The following ITGA6 variants were observed in gnomAD, a reference collection of about 807,000 sequenced individuals.
ITGA6 encodes integrin alpha-6.
ITGA6 carries 63 observed loss-of-function variants against 133.6 expected under a neutral mutation model. The ratio of observed to expected loss-of-function variants is 0.47; its 90% CI spans 0.38 to 0.58. The LOEUF (loss-of-function observed/expected upper bound fraction) is 0.58, where lower values mean the gene tolerates loss of function less well. Among genes scored for constraint, ITGA6 ranks in the 20% least tolerant of loss-of-function variants. The pLI is 0.00. For synonymous variants in ITGA6, 434 were observed against 482.0 expected (o/e 0.90, Z 1.30); for missense variants, 1,068 against 1,309.4 (o/e 0.82, Z 2.85).
At position 172,472,134 on chromosome 2, in the gene ITGA6, C is replaced by A. The variant is rs181509669; in HGVS notation, c.775+1029C>A. Among the ~76,000 whole-genome samples, 128 of 152,288 alleles carry A rather than the reference C, an allele frequency of 8.4e-4. 1 individual carries two copies. Among genetic ancestry groups the A allele is most frequent in the African/African-American group, 2.8e-3 (118 of 41,558 alleles). ...GCCAGGAGTTCAAGACCAGCCTGGC[C>A]AATGCAGCAAAACCCCTTCTCTACT... is the stretch of plus-strand genomic sequence containing the variant. On this transcript the variant is annotated intron_variant, in intron 5 of 25. Transcript: ENST00000684293.
chr2:172,480,583 A>T (rs1686397555), intron 11 of ITGA6, among the ~76,000 whole-genome samples: 1 of 152,020 alleles, frequency 6.6e-6, no homozygotes, highest in Non-Finnish European at 1.5e-5. Flanking sequence ...GAGGTCAGAG[A>T]CCTGGTCTCT....
In ITGA6 at chr2:172,475,651, G is replaced by T; in HGVS notation, c.1235G>T (p.Gly412Val). 1 of 1,607,572 alleles carries T rather than the reference G, an allele frequency of 6.2e-7. No homozygotes were observed. The highest frequency in any genetic ancestry group is 8.5e-7 in the Non-Finnish European group (1 of 1,174,096). The change falls in exon 8 of 26, where the codon GGA becomes GTA. Residue 412 changes from glycine (G) to valine (V), a missense_variant. Coordinates refer to ENST00000684293, the MANE Select transcript of ITGA6 (RefSeq NM_000210.4). ...DDLGKVFIYH[G>V]SANGINTKPT... is the part of the protein sequence containing the mutation. ...TTGGGAAAGGTTTTTATCTATCATG[G>T]ATCTGCAAATGGAATAAATACCAAA...
At chr2:172,484,712 G>T in intron 11 of ITGA6, 70 bp from the exon 12 acceptor site, 1 of 1,239,804 alleles carries the variant, frequency 8.1e-7, no homozygotes, top group Middle Eastern at 2.4e-4. Context: ...ATCTTAAAAG[G>T]AGTTCAACAT....
chr2:172,486,004 C>T (rs1435921568), intron 13 of ITGA6, among the ~76,000 whole-genome samples: 1 of 151,992 alleles, frequency 6.6e-6, no homozygotes, highest in African/African-American at 2.4e-5. Context: ...TGGTGAAACC[C>T]CGTCTCTAGT....
intron 1 of ITGA6, among the ~76,000 whole-genome samples, chr2:172,443,137 A>G (rs1684610478): frequency 6.6e-6 from 1 of 152,152 alleles, no homozygotes; most frequent in Non-Finnish European, 1.5e-5. Flanking sequence ...AGCTACCTAT[A>G]CATTTACAAG....
chr2:172,444,490 A>T (rs1426636542), intron 1 of ITGA6, among the ~76,000 whole-genome samples: 1 of 152,186 alleles, frequency 6.6e-6, no homozygotes, highest in Non-Finnish European at 1.5e-5. Context: ...GCCTGCCAAC[A>T]TGACATGCAA....
chr2:172,476,428 T>C lies in ITGA6; in HGVS notation c.1303T>C (p.Ser435Pro). Residue 435 changes from serine (S) to proline (P), a missense_variant, in exon 9 of 26, where the codon TCA becomes CCA. Coordinates refer to ENST00000684293, the MANE Select transcript of ITGA6 (RefSeq NM_000210.4). ...GGGTATATCACCTTATTTTGGATAT[T>C]CAATTGCTGGAAACATGGACCTTGA... is the stretch of plus-strand genomic sequence containing the variant. The part of the protein sequence containing the change: ...LKGISPYFGY[S>P]IAGNMDLDRN... The C allele has an allele frequency of 6.2e-7, 1 of 1,611,402 alleles. No homozygotes were observed. The highest frequency in any genetic ancestry group is 1.1e-5 in the South Asian group (1 of 91,036).
chr2:172,460,614 TTGGGA>T (rs1219939670), intron 1 of ITGA6, among the ~76,000 whole-genome samples: 1 of 152,186 alleles, frequency 6.6e-6, no homozygotes, highest in East Asian at 1.9e-4. Flanking sequence ...AGTGTGGGGC[TTGGGA>T]TGAGTTTGGA....
At position 172,477,511 on chromosome 2, in the gene ITGA6, TCTG is replaced by T. The variant is rs1380379270; in HGVS notation, c.1388+1002_1388+1004del. On this transcript the variant is annotated intron_variant, in intron 9 of 25. Transcript: ENST00000684293. ...ATCATCAAAAGGCTACACTGTAACT[TCTG>T]CTGTCTAATCTGGTTTTTATTTAAT... 2.6e-5 allele frequency among the ~76,000 whole-genome samples: 4 copies of T among 152,224 alleles called. No individual in the cohort carries two copies. The East Asian group carries it at 5.8e-4, about 22-fold the overall frequency.
At chr2:172,467,942 A>G (rs1559135116) in intron 3 of ITGA6, among the ~76,000 whole-genome samples, 1 of 146,034 alleles carries the variant, frequency 6.8e-6, no homozygotes, top group African/African-American at 2.6e-5. Context: ...GCAAAACTCC[A>G]TCTCAAAAAA....
At chr2:172,501,353 G>A (rs1467908352) in intron 24 of ITGA6, among the ~76,000 whole-genome samples, 2 of 152,150 alleles carry the variant, frequency 1.3e-5, no homozygotes, top group African/African-American at 4.8e-5. Flanking sequence ...TTGGATTTGT[G>A]CTTTTATTTA....
chr2:172,430,173 G>A (rs1684050681), intron 1 of ITGA6, among the ~76,000 whole-genome samples: 1 of 152,212 alleles, frequency 6.6e-6, no homozygotes, highest in South Asian at 2.1e-4. Flanking sequence ...ACTGCTTACT[G>A]GGGTTATTAT....
Position 172,467,463 on chromosome 2 carries a change from C to T in ITGA6, c.308-18C>T. On this transcript the variant is annotated intron_variant, in intron 2 of 25. Coordinates refer to ENST00000684293, the MANE Select transcript of ITGA6 (RefSeq NM_000210.4). ...CATGTGCAGTCACTTGGAAGGCTAA[C>T]TATGCTCCTTTCTACAGCTGACCCC... is the stretch of plus-strand genomic sequence containing the variant. The T allele has an allele frequency of 6.2e-7, 1 of 1,604,984 alleles. No individual in the cohort carries two copies. The highest frequency in any genetic ancestry group is 8.5e-7 in the Non-Finnish European group (1 of 1,171,910).
At chr2:172,475,483 C>A in intron 7 of ITGA6, 114 bp from the exon 8 acceptor site, 1 of 773,106 alleles carries the variant, frequency 1.3e-6, no homozygotes, top group Admixed American at 2.0e-5. Context: ...AAAAAAAAAC[C>A]CCGAAAAAGC....
At chr2:172,482,024 T>A (rs1341176867) in intron 11 of ITGA6, among the ~76,000 whole-genome samples, 2 of 152,198 alleles carry the variant, frequency 1.3e-5, no homozygotes, top group African/African-American at 4.8e-5. Context: ...ACATTTTTAT[T>A]CTGTTCTGAT....
At chr2:172,490,585 G>A (rs1559152129) in intron 20 of ITGA6, among the ~76,000 whole-genome samples, 2 of 152,204 alleles carry the variant, frequency 1.3e-5, no homozygotes, top group Non-Finnish European at 2.9e-5. Context: ...GCTCTGCTCT[G>A]AATGAGCTAT....
intron 1 of ITGA6, among the ~76,000 whole-genome samples, chr2:172,431,523 C>T (rs988449539): frequency 2.6e-5 from 4 of 152,184 alleles, no homozygotes; most frequent in Non-Finnish European, 5.9e-5. Context: ...GTTCTGGGTC[C>T]GTCCTTCTTT....
Position 172,506,427 on chromosome 2 carries a change from A to AAAG in ITGA6, c.*2362_*2364dup, listed in dbSNP as rs886055145. 4 of 152,220 alleles carry AAAG rather than the reference A, an allele frequency of 2.6e-5. No individual in the cohort carries two copies. In the South Asian group the frequency reaches 8.3e-4, roughly 32 times the overall value. The allele number at this position is 152,220 out of a possible 1,614,324, so 9.4% of individuals were successfully genotyped here. A position where few individuals can be genotyped will look rare whatever the true frequency, so the allele number is the denominator to read the frequency against. On this transcript the variant is annotated 3_prime_UTR_variant, in exon 26 of 26. Transcript: ENST00000684293. ...CTTTCATTTTCCTTCTTTATGATTA[A>AAAG]AAGAAACCTACAGGTATTTAACAAC...
intron 1 of ITGA6, among the ~76,000 whole-genome samples, chr2:172,444,686 A>C (rs1303722600): frequency 7.1e-6 from 1 of 141,570 alleles, no homozygotes; most frequent in African/African-American, 2.7e-5. Context: ...GCTTTGCCCC[A>C]AACCCCCCTG....
Sources: gnomAD v4.1 joint callset for allele counts (sites outside exome capture counted in the v4.1 genomes callset) on GRCh38, gnomAD v4.1.1 for gene constraint, MANE v1.5 for transcripts, NCBI Gene and HGNC (gene_info 2026-07-23, HGNC 2026-07-21) for gene names.